The following DOCK7 variants were observed in gnomAD, a reference collection of about 807,000 sequenced individuals.
DOCK7 encodes the protein dedicator of cytokinesis 7, also known as dedicator of cytokinesis protein 7.
In DOCK7, 138 loss-of-function variants were observed where a neutral mutation model predicts 271.0. The observed-to-expected ratio is 0.51, with a 90% confidence interval of 0.44 to 0.59. DOCK7 has a LOEUF of 0.59. DOCK7 is among the 20% of genes least tolerant of loss of function. DOCK7 has a pLI of 0.00. For synonymous variants in DOCK7, 823 were observed against 876.1 expected (o/e 0.94, Z 1.07); for missense variants, 2,066 against 2,592.4 (o/e 0.80, Z 4.41).
chr1:62,653,172 G>A (rs916340577), intron 4 of DOCK7, among the ~76,000 whole-genome samples: 5 of 152,162 alleles, frequency 3.3e-5, no homozygotes, highest in African/African-American at 1.2e-4. Flanking sequence ...GTGTAAATCA[G>A]TTTTATTATA....
chr1:62,670,359 T>C (rs1659830297), intron 1 of DOCK7, among the ~76,000 whole-genome samples: 1 of 152,250 alleles, frequency 6.6e-6, no homozygotes, highest in South Asian at 2.1e-4. Flanking sequence ...CTCCTGAGTC[T>C]GGTGGGGACG....
chr1:62,540,045 A>C (rs1176114683), intron 25 of DOCK7, among the ~76,000 whole-genome samples, 153 bp from the exon 26 acceptor site: 3 of 152,136 alleles, frequency 2.0e-5, no homozygotes, highest in East Asian at 3.8e-4. Context: ...AGTTCCCTAC[A>C]ATGTTTTGTA....
intron 28 of DOCK7, 90 bp from the exon 29 acceptor site, chr1:62,535,722 C>T (rs1264551882): frequency 5.3e-6 from 7 of 1,314,302 alleles, no homozygotes; most frequent in Non-Finnish European, 6.1e-6. Context: ...AATACTTTTT[C>T]CCAGGGTAGT....
chr1:62,676,185 A>G (rs1035164704), intron 1 of DOCK7, among the ~76,000 whole-genome samples: 1 of 152,226 alleles, frequency 6.6e-6, no homozygotes, highest in Non-Finnish European at 1.5e-5. Flanking sequence ...ATACAATGGA[A>G]TATTAGTCAG....
At chr1:62,589,552 C>T (rs1319742605) in intron 14 of DOCK7, among the ~76,000 whole-genome samples, 3 of 151,260 alleles carry the variant, frequency 2.0e-5, no homozygotes, top group East Asian at 1.9e-4. Flanking sequence ...CAAACCACAA[C>T]GTGAGCATTC....
rs1412629727 is a variant in DOCK7 at position 62,499,595 on chromosome 1, G to A, written c.4765-3098C>T. On this transcript the variant is annotated intron_variant, in intron 37 of 49. Transcript: ENST00000635253. ...TCCTCTAAGTAAGAAACTTAGCCCGGTGTGATAGTAGCTCACATCTGAAAT... is the reference window on the plus strand; with the variant it reads ...TCCTCTAAGTAAGAAACTTAGCCCGATGTGATAGTAGCTCACATCTGAAAT... Among the ~76,000 whole-genome samples the A allele has an allele frequency of 2.0e-5, 3 of 152,054 alleles. No individual in the cohort carries two copies. The East Asian group carries it at 5.8e-4, about 29-fold the overall frequency.
At chr1:62,554,410 T>C (rs1027228589) in intron 21 of DOCK7, among the ~76,000 whole-genome samples, 1 of 131,680 alleles carries the variant, frequency 7.6e-6, no homozygotes, top group Admixed American at 9.7e-5. Context: ...AAGCGGAGCT[T>C]GCAGTGAGCC....
chr1:62,544,950 T>C lies in DOCK7; in HGVS notation c.2856A>G (p.Thr952=), dbSNP rs1301266605. The change falls in exon 23 of 50, where the codon ACA becomes ACG. Residue 952 remains threonine, a synonymous_variant. Transcript: ENST00000635253. The part of the protein sequence containing the change: ...GSNPSPSAES[T]QAMDRSCNRM... Reference sequence around the variant, plus strand: ...AAACCTCTAATATAAACACCACCTGTGTTGATTCTGCACTTGGACTGGGGT... The same window carrying C: ...AAACCTCTAATATAAACACCACCTGCGTTGATTCTGCACTTGGACTGGGGT... 7 of 1,548,954 alleles carry C rather than the reference T, an allele frequency of 4.5e-6. No individual in the cohort carries two copies. The Admixed American group carries it at 1.2e-4, about 26-fold the overall frequency.
At chr1:62,655,835 T>G (rs952979692) in intron 2 of DOCK7, among the ~76,000 whole-genome samples, 1 of 152,236 alleles carries the variant, frequency 6.6e-6, no homozygotes, top group African/African-American at 2.4e-5. Flanking sequence ...TCATTTAAAC[T>G]TCCCCCAAAC....
intron 2 of DOCK7, 42 bp downstream of exon 2, chr1:62,662,983 T>C (rs1483960386): frequency 2.7e-6 from 4 of 1,501,382 alleles, no homozygotes; most frequent in Non-Finnish European, 2.8e-6. Flanking sequence ...GCCTAGTCAA[T>C]CATACACCAA....
At chr1:62,476,428 G>T (rs1645970046) in intron 44 of DOCK7, among the ~76,000 whole-genome samples, 1 of 151,914 alleles carries the variant, frequency 6.6e-6, no homozygotes, top group Non-Finnish European at 1.5e-5. Flanking sequence ...TAAAAATACA[G>T]GATTCCACAA....
rs1645934693 is a variant in DOCK7 at position 62,475,188 on chromosome 1, T to A, written c.6105+20A>T. 1.2e-6 allele frequency: 2 copies of A among 1,608,148 alleles called. No homozygotes were observed. Among genetic ancestry groups the A allele is most frequent in the African/African-American group, 2.7e-5 (2 of 74,710 alleles). Reference sequence around the variant, plus strand: ...CGTATTTACAGCTTAAATCACACAGTGCTAGCAAAAAGCACTAACCTGATT... The same window carrying A: ...CGTATTTACAGCTTAAATCACACAGAGCTAGCAAAAAGCACTAACCTGATT... On this transcript the variant is annotated intron_variant, in intron 47 of 49. Transcript: ENST00000635253.
At position 62,520,478 on chromosome 1, in the gene DOCK7, C is replaced by T. The variant is rs999021887; in HGVS notation, c.3937-6580G>A. On this transcript the variant is annotated intron_variant, in intron 31 of 49. Coordinates refer to ENST00000635253, the MANE Select transcript of DOCK7 (RefSeq NM_001367561.1). Reference sequence around the variant, plus strand: ...TTCTCAAAAGAAGACATTTATGAGGCCAACAAACATATGAAAAAAAGCTCA... The same window carrying T: ...TTCTCAAAAGAAGACATTTATGAGGTCAACAAACATATGAAAAAAAGCTCA... 5.2e-5 allele frequency among the ~76,000 whole-genome samples: 5 copies of T among 96,564 alleles called. 1 individual carries two copies. In the East Asian group the frequency reaches 1.9e-3, roughly 36 times the overall value. 63.3% of individuals were successfully genotyped at this position (96,564 alleles called of 152,430 possible). A position where few individuals can be genotyped will look rare whatever the true frequency, so the allele number is the denominator to read the frequency against.
chr1:62,535,507 G>T lies in DOCK7; in HGVS notation c.3597C>A (p.Asp1199Glu), dbSNP rs747030545. Reference protein sequence around the residue: ...LVLTELAVILDPDAEGLFGLH... With the variant: ...LVLTELAVILEPDAEGLFGLH... ...AGTGTACTCACCCTTCAGCATCAGG[G>T]TCTAAAATGACAGCCAGCTCTGTTA... is the stretch of plus-strand genomic sequence containing the variant. The change falls in exon 29 of 50, where the codon GAC becomes GAA. Residue 1199 changes from aspartate to glutamate, a missense_variant. This residue lies in a region of DOCK7 where 1,414 missense variants were observed against 1,670.4 expected (regional missense o/e 0.85). Transcript: ENST00000635253. 6.2e-7 allele frequency: 1 copy of T among 1,613,746 alleles called. No individual in the cohort carries two copies.
intron 2 of DOCK7, 29 bp from the exon 3 acceptor site, chr1:62,654,188 G>A: frequency 6.4e-7 from 1 of 1,574,456 alleles, no homozygotes. Flanking sequence ...TAAGAGATGG[G>A]TAGAAAACAA....
intron 2 of DOCK7, among the ~76,000 whole-genome samples, chr1:62,661,451 C>T (rs1658652150): frequency 6.6e-6 from 1 of 151,806 alleles, no homozygotes; most frequent in African/African-American, 2.4e-5. Flanking sequence ...TATTTTACCA[C>T]TATATCTATT....
intron 40 of DOCK7, among the ~76,000 whole-genome samples, chr1:62,493,560 G>A (rs1437536502): frequency 6.6e-6 from 1 of 152,134 alleles, no homozygotes; most frequent in Non-Finnish European, 1.5e-5. Flanking sequence ...AATTTTAGGA[G>A]TTTCCCCTCC....
At chr1:62,640,116 G>C (rs1358727562) in intron 7 of DOCK7, among the ~76,000 whole-genome samples, 1 of 152,028 alleles carries the variant, frequency 6.6e-6, no homozygotes, top group East Asian at 1.9e-4. Flanking sequence ...TTAAAATGTT[G>C]AGAATACTTA....
intron 21 of DOCK7, among the ~76,000 whole-genome samples, chr1:62,553,907 C>T (rs144111119): frequency 6.6e-6 from 1 of 151,470 alleles, no homozygotes; most frequent in Non-Finnish European, 1.5e-5. Context: ...GTTGGTATTT[C>T]GGACCCAAGA....
Sources: gnomAD v4.1 joint callset for allele counts (sites outside exome capture counted in the v4.1 genomes callset) on GRCh38, gnomAD v4.1.1 for gene constraint, gnomAD v4.1.1 regional missense constraint, MANE v1.5 for transcripts, NCBI Gene and HGNC (gene_info 2026-07-23, HGNC 2026-07-21) for gene names.